The following BRWD1 variants were observed in gnomAD, a reference collection of about 807,000 sequenced individuals.
The protein encoded by BRWD1 is bromodomain and WD repeat-containing protein 1.
In BRWD1, 82 loss-of-function variants were observed where a neutral mutation model predicts 251.2. That is an observed-to-expected ratio of 0.33 (90% CI 0.27 to 0.39). The LOEUF (loss-of-function observed/expected upper bound fraction) is 0.39, where lower values mean the gene tolerates loss of function less well. BRWD1 is among the 10% of genes least tolerant of loss of function. BRWD1 has a pLI of 1.00. For synonymous variants in BRWD1, 918 were observed against 902.8 expected (o/e 1.02, Z -0.30); for missense variants, 2,233 against 2,711.6 (o/e 0.82, Z 3.92).
At chr21:39,226,421 A>G (rs74727985) in intron 27 of BRWD1, among the ~76,000 whole-genome samples, 2,327 of 152,306 alleles carry the variant, frequency 0.015, 59 homozygotes, top group African/African-American at 0.053. Flanking sequence ...TCTCAACCAC[A>G]AAAATAAAAC....
At chr21:39,298,379 A>T (rs1449225101) in intron 5 of BRWD1, 53 bp downstream of exon 5, 1 of 1,473,466 alleles carries the variant, frequency 6.8e-7, no homozygotes, top group Admixed American at 2.6e-5. Context: ...TCACAATTAT[A>T]ATAATTATTA....
chr21:39,313,372 A>AGCCGGGGGG, intron 1 of BRWD1, 71 bp downstream of exon 1: 1 of 1,472,592 alleles, frequency 6.8e-7, no homozygotes, highest in Admixed American at 2.2e-5. Context: ...GAGCCGGGGG[A>AGCCGGGGGG]GCCCGGGGAG....
At chr21:39,221,154 TAAAAAAA>T (rs35879682) in intron 29 of BRWD1, among the ~76,000 whole-genome samples, 10 of 109,898 alleles carry the variant, frequency 9.1e-5, no homozygotes, top group South Asian at 3.0e-4. Context: ...AACTACATCT[TAAAAAAA>T]AAAAAAAAAA....
rs1047258120 is a variant in BRWD1, at chr21:39,188,925, G to A, written c.*7334C>T. The A allele has an allele frequency of 7.1e-6, 7 of 985,166 alleles. No individual in the cohort carries two copies. The highest frequency in any genetic ancestry group is 3.5e-5 in the African/African-American group (2 of 57,188). 61.0% of individuals were successfully genotyped at this position (985,166 alleles called of 1,614,324 possible). On this transcript the variant is annotated 3_prime_UTR_variant, in exon 41 of 41. Transcript: ENST00000342449. ...TTTACCAGAGTAAGACACTCATCAC[G>A]GCATTACTCTCATGCAGCATGCCCT...
intron 35 of BRWD1, 137 bp downstream of exon 35, chr21:39,210,646 TCTA>T: frequency 1.1e-6 from 1 of 925,950 alleles, no homozygotes; most frequent in South Asian, 2.0e-5. Flanking sequence ...AAACAATACT[TCTA>T]CCACTAACTT....
chr21:39,313,639 A>G, upstream of BRWD1: 3 of 512,788 alleles, frequency 5.9e-6, no homozygotes, highest in Admixed American at 1.0e-4. Flanking sequence ...GCCTGGACCG[A>G]CGCCTCCGCG....
At chr21:39,282,560 T>A (rs75585822) in intron 8 of BRWD1, among the ~76,000 whole-genome samples, 1 of 152,012 alleles carries the variant, frequency 6.6e-6, no homozygotes, top group Non-Finnish European at 1.5e-5. Context: ...GCTTTCACTT[T>A]AAAAAAAATT....
intron 35 of BRWD1, 50 bp from the exon 36 acceptor site, chr21:39,210,197 G>C: frequency 1.4e-6 from 2 of 1,463,466 alleles, no homozygotes; most frequent in Non-Finnish European, 1.9e-6. Context: ...CTTGCTTTTA[G>C]AAATGTAAAT....
At position 39,264,887 on chromosome 21, in the gene BRWD1, T is replaced by C. The variant is rs2034871487; in HGVS notation, c.1659+4A>G. 1.9e-6 allele frequency: 3 copies of C among 1,609,378 alleles called. No homozygotes were observed. The highest frequency in any genetic ancestry group is 2.5e-6 in the Non-Finnish European group (3 of 1,178,858). On this transcript the variant is annotated splice_donor_region_variant and intron_variant, in intron 16 of 40. Transcript: ENST00000342449. ...GCATGCTACAACAAAGTATTAAAAA[T>C]GACCTTTTCATATGGTTTGCTGCAT...
chr21:39,274,541 C>A, intron 12 of BRWD1, 69 bp from the exon 13 acceptor site: 15 of 1,223,328 alleles, frequency 1.2e-5, no homozygotes, highest in Admixed American at 7.0e-5. Context: ...ATTAAAATCA[C>A]ATGCAAAAAA....
At chr21:39,308,481 CAAAA>C (rs35833623) in intron 4 of BRWD1, among the ~76,000 whole-genome samples, 10 of 107,390 alleles carry the variant, frequency 9.3e-5, no homozygotes, top group Non-Finnish European at 1.3e-4. Flanking sequence ...CACCTTGTCT[CAAAA>C]AAAAAAAAAA....
rs570021523 is a variant in BRWD1, at chr21:39,216,752, G to C, written c.3660-1390C>G. 2.2e-5 allele frequency: 9 copies of C among 412,030 alleles called. No homozygotes were observed. In the East Asian group the frequency reaches 6.2e-4, roughly 28 times the overall value. The allele number at this position is 412,030 out of a possible 1,614,324, so 25.5% of individuals were successfully genotyped here. A position where few individuals can be genotyped will look rare whatever the true frequency, so the allele number is the denominator to read the frequency against. ...TCACAACAAAAGTAAAGCCTGAAGA[G>C]ACCACCTGTTCAGACCATTGCTTAC... On this transcript the variant is annotated intron_variant, in intron 31 of 40. Transcript: ENST00000342449.
intron 4 of BRWD1, among the ~76,000 whole-genome samples, chr21:39,302,119 G>A (rs2036138325): frequency 6.6e-6 from 1 of 151,434 alleles, no homozygotes; most frequent in African/African-American, 2.4e-5. Flanking sequence ...AAGTAGCTGG[G>A]ATTACAAGCA....
chr21:39,251,075 A>T (rs746218586), intron 19 of BRWD1, among the ~76,000 whole-genome samples, 186 bp from the exon 20 acceptor site: 1 of 152,186 alleles, frequency 6.6e-6, no homozygotes, highest in Non-Finnish European at 1.5e-5. Flanking sequence ...AGGCAGTTAA[A>T]CCTATTTTTC....
chr21:39,269,988 A>C lies in BRWD1; in HGVS notation c.1441T>G (p.Ser481Ala), dbSNP rs1358906335. The C allele has an allele frequency of 1.9e-6, 3 of 1,595,518 alleles. No individual in the cohort carries two copies. Among genetic ancestry groups the C allele is most frequent in the Non-Finnish European group, 8.5e-7 (1 of 1,170,358 alleles). ...VFVLETHPFD[S>A]RIMLSAGHDG... ...TGTCCTGCAGATAACATAATTCTGG[A>C]ATCAAAGGGATGTGTCTCCAGAACA... The change falls in exon 15 of 41, where the codon TCC (serine) becomes GCC (alanine). Residue 481 changes from serine (S) to alanine (A), a missense_variant. By Grantham distance (99) the Ser-to-Ala change is moderately conservative. Coordinates refer to ENST00000342449, the MANE Select transcript of BRWD1 (RefSeq NM_033656.4).
rs900436754 is a variant in BRWD1, at chr21:39,187,496, A to G, written c.*8763T>C. Reference sequence around the variant, plus strand: ...TTACTACTGCTAACATTCCTCAACAACACTCATTCGGAAACAATAAATTTA... The same window carrying G: ...TTACTACTGCTAACATTCCTCAACAGCACTCATTCGGAAACAATAAATTTA... On this transcript the variant is annotated 3_prime_UTR_variant, in exon 41 of 41. Transcript: ENST00000342449. 2.7e-6 allele frequency: 4 copies of G among 1,470,586 alleles called. No homozygotes were observed. The East Asian group carries it at 9.4e-5, about 34-fold the overall frequency. The allele number at this position is 1,470,586 out of a possible 1,614,324, so 91.1% of individuals were successfully genotyped here.
rs770962831 is a variant in BRWD1, at chr21:39,196,233, T to A, written c.*26A>T. 4 of 1,527,390 alleles carry A rather than the reference T, an allele frequency of 2.6e-6. No homozygotes were observed. Among genetic ancestry groups the A allele is most frequent in the Non-Finnish European group, 2.6e-6 (3 of 1,142,332 alleles). 94.6% of individuals were successfully genotyped at this position (1,527,390 alleles called of 1,614,324 possible). ...ACCATAAATGCCAGTCCATTTCCTC[T>A]TAAATGAACTGGCTTTCCCTCAAGG... On this transcript the variant is annotated 3_prime_UTR_variant, in exon 41 of 41. Transcript: ENST00000342449.
chr21:39,215,511 T>C (rs1297359254), intron 31 of BRWD1, 149 bp from the exon 32 acceptor site: 1 of 674,682 alleles, frequency 1.5e-6, no homozygotes, highest in Non-Finnish European at 2.5e-6. Flanking sequence ...TGCTCTCAAC[T>C]TGATCATAGT....
Position 39,193,074 on chromosome 21 carries a change from G to T in BRWD1, c.*3185C>A. The stretch of plus-strand genomic sequence containing the variant: ...CTTTTGGACAGTAACACCCTCAGAT[G>T]GTATTTTTATTGGTTTGTTTTATAT... On this transcript the variant is annotated 3_prime_UTR_variant, in exon 41 of 41. Coordinates refer to ENST00000342449, the MANE Select transcript of BRWD1 (RefSeq NM_033656.4). 1.0e-6 allele frequency: 1 copy of T among 985,006 alleles called. No homozygotes were observed. The highest frequency in any genetic ancestry group is 1.2e-6 in the Non-Finnish European group (1 of 829,686). The allele number at this position is 985,006 out of a possible 1,614,324, so 61.0% of individuals were successfully genotyped here.
Sources: gnomAD v4.1 joint callset for allele counts (sites outside exome capture counted in the v4.1 genomes callset) on GRCh38, gnomAD v4.1.1 for gene constraint, MANE v1.5 for transcripts, NCBI Gene and HGNC (gene_info 2026-07-23, HGNC 2026-07-21) for gene names.